Variants in CD109 observed in about 807,000 individuals in gnomAD.
CD109 encodes CD109 molecule.
A neutral mutation model predicts 165.8 loss-of-function variants in CD109; 149 were observed. That is an observed-to-expected ratio of 0.90 (90% confidence interval 0.79 to 1.03). The LOEUF (loss-of-function observed/expected upper bound fraction) is 1.03, where lower values mean the gene tolerates loss of function less well. Ranked by LOEUF, CD109 falls within the 50% of genes least tolerant of loss-of-function variation. CD109 has a pLI of 0.00. For synonymous variants in CD109, 585 were observed against 592.1 expected, an observed-to-expected ratio of 0.99 and a Z score of 0.18; for missense variants, 1,712 against 1,677.8, an observed-to-expected ratio of 1.02 and a Z score of -0.36.
chr6:73,747,157 G>T (rs1773012663), intron 5 of CD109, among the ~76,000 whole-genome samples: 1 of 152,138 alleles, frequency 6.6e-6, no homozygotes, highest in Non-Finnish European at 1.5e-5. Context: ...CAGAAAACTT[G>T]CAGTGTTGAC....
Position 73,826,548 on chromosome 6 carries a change from G to A in CD109, c.*2915G>A, listed in dbSNP as rs1240551512. ...TGGTTCCACCATCTTATTACATTTA[G>A]TTATAGTTTTAAAAAAGAAATTCAA... On this transcript the variant is annotated 3_prime_UTR_variant, in exon 33 of 33. Transcript: ENST00000287097. The A allele has an allele frequency of 6.6e-6, 1 of 152,086 alleles. No individual in the cohort carries two copies. Among genetic ancestry groups the A allele is most frequent in the Non-Finnish European group, 1.5e-5 (1 of 68,006 alleles). The allele number at this position is 152,086 out of a possible 1,614,324, so 9.4% of individuals were successfully genotyped here. A position where few individuals can be genotyped will look rare whatever the true frequency, so the allele number is the denominator to read the frequency against.
rs752189865 is a variant in CD109 at position 73,736,431 on chromosome 6, C to A, written c.556C>A (p.Leu186Ile). 1 of 1,613,880 alleles carries A rather than the reference C, an allele frequency of 6.2e-7. No individual in the cohort carries two copies. The change falls in exon 5 of 33, where the codon CTT (leucine) becomes ATT (isoleucine). Residue 186 changes from leucine (L) to isoleucine (I), a missense_variant. Physicochemically the swap from Leu to Ile is conservative, Grantham distance 5 (BLOSUM62 2). Transcript: ENST00000287097. Reference protein sequence around the residue: ...IQQWLSQQSDLGVISKTFQLS... With the variant: ...IQQWLSQQSDIGVISKTFQLS... ...ACAGTGGTTGTCACAACAAAGTGAT[C>A]TTGGAGTCATTTCCAAAACTTTTCA...
At chr6:73,777,754 T>G (rs1013690529) in intron 15 of CD109, among the ~76,000 whole-genome samples, 2 of 152,196 alleles carry the variant, frequency 1.3e-5, no homozygotes, top group Non-Finnish European at 2.9e-5. Context: ...GGTTCTCTAT[T>G]CTGTTCCATT....
At chr6:73,706,749 C>T (rs901377525) in intron 2 of CD109, among the ~76,000 whole-genome samples, 5 of 152,128 alleles carry the variant, frequency 3.3e-5, no homozygotes, top group South Asian at 2.1e-4. Flanking sequence ...AATTAAAATC[C>T]GAAAACCAGA....
chr6:73,818,386 A>G lies in CD109; in HGVS notation c.3912-2A>G, dbSNP rs1463370748. On this transcript the variant is annotated splice_acceptor_variant, in intron 30 of 32. Transcript: ENST00000287097. LOFTEE classifies it high-confidence loss of function. ...TTCATTCATCCTCCCTCTTTGATTT[A>G]GCTTTTCGGGCCCGGGTAGGAGTGG... 2 of 1,613,642 alleles carry G rather than the reference A, an allele frequency of 1.2e-6. No homozygotes were observed. The highest frequency in any genetic ancestry group is 1.7e-6 in the Non-Finnish European group (2 of 1,179,860).
chr6:73,759,953 T>C (rs1322464166), intron 7 of CD109, among the ~76,000 whole-genome samples: 4 of 152,046 alleles, frequency 2.6e-5, no homozygotes, highest in South Asian at 2.1e-4. Flanking sequence ...TGCTTTTGAG[T>C]TGAGTTGATC....
Position 73,827,941 on chromosome 6 carries a change from A to C in CD109, c.*4308A>C, listed in dbSNP as rs11992. The stretch of plus-strand genomic sequence containing the variant: ...GCCCAGTGTATTGAATTGGTGGTAG[A>C]AGGTAGTTCCATGTTCCATTTGTAG... On this transcript the variant is annotated 3_prime_UTR_variant, in exon 33 of 33. Transcript: ENST00000287097. The C allele has an allele frequency of 0.036, 5,548 of 154,840 alleles. 321 individuals carry two copies. Among genetic ancestry groups the C allele is most frequent in the African/African-American group, 0.12 (5,132 of 41,610 alleles). The allele number at this position is 154,840 out of a possible 1,614,324, so 9.6% of individuals were successfully genotyped here.
At chr6:73,799,101 T>C (rs1775275312) in intron 23 of CD109, among the ~76,000 whole-genome samples, 1 of 152,218 alleles carries the variant, frequency 6.6e-6, no homozygotes, top group Admixed American at 6.5e-5. Flanking sequence ...CTGGACTCTC[T>C]TGCTGATTTC....
chr6:73,679,405 C>T, the CD109 span, among the ~76,000 whole-genome samples: 1 of 151,774 alleles, frequency 6.6e-6, no homozygotes, highest in African/African-American at 2.4e-5. Context: ...AAGTTATATT[C>T]CAAAAGGTTT....
chr6:73,706,023 T>A (rs1771253783), intron 2 of CD109, among the ~76,000 whole-genome samples: 2 of 151,996 alleles, frequency 1.3e-5, no homozygotes, highest in South Asian at 4.2e-4. Flanking sequence ...GTGAGATCAG[T>A]ATTGGGGCAG....
upstream of CD109, chr6:73,694,631 G>A (rs919187310): frequency 1.3e-5 from 2 of 152,184 alleles, no homozygotes; most frequent in African/African-American, 4.8e-5. Flanking sequence ...CACTTGTAGA[G>A]TCTCCATGGC....
chr6:73,712,304 C>A (rs1771569337), intron 2 of CD109, among the ~76,000 whole-genome samples: 1 of 152,148 alleles, frequency 6.6e-6, no homozygotes, highest in Admixed American at 6.5e-5. Context: ...AAAGAAACTG[C>A]TGAAGAATGA....
At chr6:73,694,869 A>G (rs1029844958), upstream of CD109, 3 of 152,312 alleles carry the variant, frequency 2.0e-5, no homozygotes, top group African/African-American at 7.2e-5. Flanking sequence ...ATCCACACAG[A>G]CACTTTTGAC....
chr6:73,715,632 T>C (rs1041901373), intron 2 of CD109, among the ~76,000 whole-genome samples: 5 of 152,042 alleles, frequency 3.3e-5, no homozygotes, highest in Non-Finnish European at 7.4e-5. Flanking sequence ...TTTTAATTTT[T>C]AATTGTTGTG....
chr6:73,684,998 C>T, the CD109 span, among the ~76,000 whole-genome samples: 1 of 150,566 alleles, frequency 6.6e-6, no homozygotes, highest in Non-Finnish European at 1.5e-5. Context: ...CTCACTGCAA[C>T]CTCCACCTCC....
At chr6:73,690,758 T>C in the CD109 span, among the ~76,000 whole-genome samples, 1 of 152,156 alleles carries the variant, frequency 6.6e-6, no homozygotes. Flanking sequence ...ATGCTTATGA[T>C]GGAATAATTA....
chr6:73,819,696 T>G (rs1776046401), intron 31 of CD109, among the ~76,000 whole-genome samples: 1 of 152,344 alleles, frequency 6.6e-6, no homozygotes, highest in South Asian at 2.1e-4. Flanking sequence ...CTCTAGATTC[T>G]TTTGCTGTTT....
chr6:73,745,719 A>C (rs944239774), intron 5 of CD109, among the ~76,000 whole-genome samples: 2 of 152,020 alleles, frequency 1.3e-5, no homozygotes, highest in African/African-American at 4.8e-5. Flanking sequence ...TGAGGCTTAC[A>C]AAGATTAATT....
At chr6:73,760,777 A>G (rs1211232893) in intron 7 of CD109, among the ~76,000 whole-genome samples, 4 of 152,116 alleles carry the variant, frequency 2.6e-5, no homozygotes, top group Non-Finnish European at 5.9e-5. Flanking sequence ...CCTGGGAGGC[A>G]GAGGTTGCAG....
Sources: gnomAD v4.1 joint callset for allele counts (sites outside exome capture counted in the v4.1 genomes callset) on GRCh38, gnomAD v4.1.1 for gene constraint, MANE v1.5 for transcripts, NCBI Gene and HGNC (gene_info 2026-07-23, HGNC 2026-07-21) for gene names.